Variants in MCF2L observed in about 807,000 individuals in gnomAD.
The protein encoded by MCF2L is MCF.2 cell line derived transforming sequence like, also known as guanine nucleotide exchange factor DBS.
MCF2L carries 97 observed loss-of-function variants against 153.4 expected under a neutral mutation model. That is an observed-to-expected ratio of 0.63 (90% CI 0.54 to 0.75). MCF2L has a LOEUF of 0.75. MCF2L is among the 30% of genes least tolerant of loss of function. The pLI, the probability that MCF2L is intolerant of heterozygous loss-of-function variation, is 0.00. For missense variants in MCF2L, 1,347 were observed against 1,495.2 expected, an observed-to-expected ratio of 0.90 and a Z score of 1.64; for synonymous variants, 659 against 632.2, an observed-to-expected ratio of 1.04 and a Z score of -0.64.
Position 112,969,270 on chromosome 13 carries a change from C to A in MCF2L, c.-110C>A. The stretch of plus-strand genomic sequence containing the variant: ...CTGGAGGCTGAAAGCGCTGCCGTGG[C>A]CCCCTCCCCGCCTCCGCCGCGCCCC... On this transcript the variant is annotated 5_prime_UTR_variant, in exon 1 of 30. Transcript: ENST00000535094. The surrounding 1 kb of genome is among the most constrained non-coding windows in gnomAD (Gnocchi z 4.8). 1 of 1,478,482 alleles carries A rather than the reference C, an allele frequency of 6.8e-7. No individual in the cohort carries two copies. Among genetic ancestry groups the A allele is most frequent in the African/African-American group, 1.4e-5 (1 of 71,030 alleles). 91.6% of individuals were successfully genotyped at this position (1,478,482 alleles called of 1,614,324 possible).
At chr13:113,013,734 T>C (rs1437670527) in intron 1 of MCF2L, among the ~76,000 whole-genome samples, 2 of 152,222 alleles carry the variant, frequency 1.3e-5, no homozygotes, top group Non-Finnish European at 2.9e-5. Context: ...ATTGTGTGGA[T>C]GTTCAAGACT....
intron 1 of MCF2L, chr13:112,979,712 G>A: frequency 4.3e-6 from 7 of 1,612,698 alleles, no homozygotes; most frequent in Non-Finnish European, 4.2e-6. Flanking sequence ...GGCGGCTGTG[G>A]TCACTGCCCA....
chr13:112,951,035 C>T lies in MCF2L; in HGVS notation c.169+48664C>T, dbSNP rs142651440. On this transcript the variant is annotated intron_variant, in intron 2 of 29. Transcript: ENST00000375608. The surrounding 1 kb of genome is among the most constrained non-coding windows in gnomAD (Gnocchi z 4.8). ...CTCACCAGTACAAAAACAAACAATT[C>T]GCTTAGAAAATGGGCAACAGACATA... 1.8e-3 allele frequency among the ~76,000 whole-genome samples: 278 copies of T among 152,230 alleles called. 2 individuals are homozygous for T. Among genetic ancestry groups the T allele is most frequent in the African/African-American group, 6.0e-3 (251 of 41,540 alleles).
intron 2 of MCF2L, among the ~76,000 whole-genome samples, chr13:113,017,062 G>A (rs753270690): frequency 5.3e-5 from 8 of 152,336 alleles, no homozygotes; most frequent in East Asian, 1.9e-4. Flanking sequence ...GATCAGTGTC[G>A]GCTGGCGCTT....
At chr13:112,959,260 C>A (rs942140678) in intron 2 of MCF2L, among the ~76,000 whole-genome samples, 1 of 152,122 alleles carries the variant, frequency 6.6e-6, no homozygotes, top group East Asian at 1.9e-4. Context: ...CACCACCCCC[C>A]GTCCTCCGGG....
intron 1 of MCF2L, among the ~76,000 whole-genome samples, chr13:112,901,136 C>A (rs980637560): frequency 9.9e-5 from 15 of 152,124 alleles, no homozygotes; most frequent in Admixed American, 9.2e-4. Flanking sequence ...CCTGGTGGAG[C>A]CACCGATACC....
chr13:113,084,574 A>C (rs1160772563), intron 18 of MCF2L: 2 of 432,994 alleles, frequency 4.6e-6, no homozygotes, highest in Non-Finnish European at 8.2e-6. Flanking sequence ...TATATAAACA[A>C]ATCAACAAAC....
chr13:112,903,377 C>T (rs1207402877), intron 2 of MCF2L, among the ~76,000 whole-genome samples: 1 of 152,256 alleles, frequency 6.6e-6, no homozygotes, highest in Non-Finnish European at 1.5e-5. Flanking sequence ...TGTCCCCATC[C>T]CACGGCTGCT....
intron 2 of MCF2L, among the ~76,000 whole-genome samples, chr13:113,019,519 C>G (rs546507130): frequency 6.6e-6 from 1 of 152,168 alleles, no homozygotes; most frequent in African/African-American, 2.4e-5. Flanking sequence ...CTGGGGTGGC[C>G]CTGGGTGTTC....
At chr13:112,959,914 C>T (rs2081803710) in intron 2 of MCF2L, among the ~76,000 whole-genome samples, 1 of 152,208 alleles carries the variant, frequency 6.6e-6, no homozygotes, top group Non-Finnish European at 1.5e-5. Context: ...ATGGGAGATG[C>T]ACAGTGGACA....
intron 2 of MCF2L, chr13:112,917,351 T>C: frequency 2.8e-6 from 1 of 359,964 alleles, no homozygotes; most frequent in South Asian, 2.1e-5. Flanking sequence ...CTCATCTGTG[T>C]TTTCACTCAT....
chr13:112,968,774 C>CTCGCGGCT (rs2081944218), upstream of MCF2L: 1 of 1,352,904 alleles, frequency 7.4e-7, no homozygotes, highest in Admixed American at 4.0e-5. Context: ...GCTCGGTCCA[C>CTCGCGGCT]TCGCGGCTTC....
chr13:112,971,095 G>A (rs538929779), intron 1 of MCF2L, among the ~76,000 whole-genome samples: 1 of 152,168 alleles, frequency 6.6e-6, no homozygotes, highest in South Asian at 2.1e-4. Flanking sequence ...TTCTGCTCAC[G>A]CTGTGTGAGG....
chr13:112,913,157 CTGTA>C (rs1434558264), intron 2 of MCF2L, among the ~76,000 whole-genome samples: 50 of 133,202 alleles, frequency 3.8e-4, no homozygotes, highest in African/African-American at 1.1e-3. Flanking sequence ...ATTTCTGTGT[CTGTA>C]TGTATGGGGT....
At chr13:113,086,037 C>T in intron 20 of MCF2L, 87 bp from the exon 21 acceptor site, 1 of 1,427,748 alleles carries the variant, frequency 7.0e-7, no homozygotes, top group Non-Finnish European at 9.4e-7. Context: ...AGCATCCCTA[C>T]CTCGTGCCAA....
At chr13:113,062,842 G>A (rs1014282119) in intron 5 of MCF2L, among the ~76,000 whole-genome samples, 15 of 152,176 alleles carry the variant, frequency 9.9e-5, no homozygotes, top group Non-Finnish European at 1.5e-4. Flanking sequence ...AAGACAAGGC[G>A]TGTGTAGAGG....
chr13:112,968,499 G>A (rs753133026), upstream of MCF2L: 4 of 1,583,810 alleles, frequency 2.5e-6, no homozygotes, highest in Admixed American at 1.7e-5. Context: ...CCTGCAGCGC[G>A]CGCTTCCCTC....
chr13:113,002,055 G>T, intron 1 of MCF2L: 1 of 1,417,448 alleles, frequency 7.1e-7, no homozygotes, highest in South Asian at 1.5e-5. Context: ...GACGCCGGGC[G>T]GGGGTGGACG....
chr13:113,029,682 G>A (rs530184203), intron 3 of MCF2L, among the ~76,000 whole-genome samples: 2 of 152,216 alleles, frequency 1.3e-5, no homozygotes, highest in Non-Finnish European at 2.9e-5. Context: ...CTGGAGACGC[G>A]GAGCATTGCG....
Sources: gnomAD v4.1 joint callset for allele counts (sites outside exome capture counted in the v4.1 genomes callset) on GRCh38, gnomAD v4.1.1 for gene constraint, Gnocchi (gnomAD v3.1) non-coding constraint, MANE v1.5 for transcripts, NCBI Gene and HGNC (gene_info 2026-07-23, HGNC 2026-07-21) for gene names.